The following TSGA13 variants were observed in gnomAD, a reference collection of about 807,000 sequenced individuals.
TSGA13 encodes the protein testis specific 13.
TSGA13 carries 37 observed loss-of-function variants against 35.1 expected under a neutral mutation model. The observed-to-expected ratio is 1.05, with a 90% CI of 0.81 to 1.39. The LOEUF (loss-of-function observed/expected upper bound fraction) is 1.39, where lower values mean the gene tolerates loss of function less well. Among genes scored for constraint, TSGA13 ranks in the 40% most tolerant of loss-of-function variants. The pLI is 0.00. For missense variants in TSGA13, 338 were observed against 328.5 expected, an observed-to-expected ratio of 1.03 and a Z score of -0.22; for synonymous variants, 124 against 121.2, an observed-to-expected ratio of 1.02 and a Z score of -0.15.
chr7:130,681,237 C>T (rs1280560912), intron 3 of TSGA13, among the ~76,000 whole-genome samples: 2 of 152,176 alleles, frequency 1.3e-5, no homozygotes, highest in Non-Finnish European at 2.9e-5. Flanking sequence ...GACCGTGACA[C>T]TTGTCAGCGG....
intron 1 of TSGA13, 90 bp from the exon 2 acceptor site, chr7:130,685,450 T>A (rs1554465610): frequency 1.6e-6 from 2 of 1,222,886 alleles, no homozygotes; most frequent in Non-Finnish European, 2.1e-6. Context: ...AGAAGTTAAA[T>A]TTATTTCACA....
chr7:130,679,052 G>A (rs1796475808), intron 5 of TSGA13, 103 bp downstream of exon 5: 1 of 977,388 alleles, frequency 1.0e-6, no homozygotes, highest in Non-Finnish European at 1.6e-6. Context: ...AAAATTAAGA[G>A]GTTTTCTGAG....
chr7:130,672,636 C>G (rs1310525382), intron 6 of TSGA13, 98 bp downstream of exon 6: 2 of 1,489,074 alleles, frequency 1.3e-6, no homozygotes, highest in Admixed American at 2.0e-5. Context: ...CTTTGTACGA[C>G]CAAAGAATAT....
intron 5 of TSGA13, among the ~76,000 whole-genome samples, chr7:130,673,546 CCTT>C (rs1367994207): frequency 6.6e-6 from 1 of 152,154 alleles, no homozygotes; most frequent in African/African-American, 2.4e-5. Context: ...CAAATCTAGT[CCTT>C]CTTCCATAGA....
Position 130,682,119 on chromosome 7 carries a change from T to C in TSGA13, c.103-1102A>G, listed in dbSNP as rs559539901. ...CATGCCCAGCTATTATTATTATTTA[T>C]TAATTTTTCTTTTTTTTTGCTACTG... On this transcript the variant is annotated intron_variant, in intron 3 of 7. Transcript: ENST00000356588. Among the ~76,000 whole-genome samples the C allele has an allele frequency of 3.3e-5, 5 of 151,686 alleles. 1 individual carries two copies. In the South Asian group the frequency reaches 8.4e-4, roughly 25 times the overall value.
intron 7 of TSGA13, among the ~76,000 whole-genome samples, chr7:130,670,866 A>G (rs10954276): frequency 0.19 from 29,617 of 151,970 alleles, 3,074 homozygotes; most frequent in Middle Eastern, 0.25. Context: ...GCCTCCAGCA[A>G]TCCTCCTGCC....
intron 4 of TSGA13, among the ~76,000 whole-genome samples, chr7:130,679,602 C>T (rs782730185): frequency 2.6e-5 from 4 of 152,088 alleles, no homozygotes; most frequent in Non-Finnish European, 1.5e-5. Flanking sequence ...CTAGACCTCC[C>T]GGGCTCAAGT....
chr7:130,679,251 C>T lies in TSGA13; in HGVS notation c.291G>A (p.Leu97=). 6.2e-7 allele frequency: 1 copy of T among 1,614,190 alleles called. No homozygotes were observed. The highest frequency in any genetic ancestry group is 8.5e-7 in the Non-Finnish European group (1 of 1,180,034). ...VTQYDQDKTL[L]IMTNNPPPCS... ...AGGGAGGTGGGTTGTTGGTCATAAT[C>T]AGTAACGTCTTATCCTGGTCATACT... Residue 97 remains leucine, a synonymous_variant, in exon 5 of 8, where the codon CTG becomes CTA. Coordinates refer to ENST00000356588, the MANE Select transcript of TSGA13 (RefSeq NM_052933.4).
intron 1 of TSGA13, among the ~76,000 whole-genome samples, chr7:130,685,642 T>C (rs1394676245): frequency 6.6e-6 from 1 of 152,182 alleles, no homozygotes; most frequent in Non-Finnish European, 1.5e-5. Context: ...GAGATTTAAC[T>C]ATAAAAAGAT....
chr7:130,672,971 C>A, intron 5 of TSGA13, 95 bp from the exon 6 acceptor site: 1 of 1,361,586 alleles, frequency 7.3e-7, no homozygotes, highest in South Asian at 1.7e-5. Flanking sequence ...TCCAATTCCC[C>A]TACAATCATG....
intron 4 of TSGA13, among the ~76,000 whole-genome samples, chr7:130,680,136 C>A (rs1796509961): frequency 6.6e-6 from 1 of 152,186 alleles, no homozygotes; most frequent in Admixed American, 6.5e-5. Context: ...TTACATCTTC[C>A]ACGTAATGTT....
At chr7:130,669,888 G>A (rs1158431813) in intron 7 of TSGA13, among the ~76,000 whole-genome samples, 2 of 152,136 alleles carry the variant, frequency 1.3e-5, no homozygotes, top group African/African-American at 4.8e-5. Context: ...TTTATTCTGG[G>A]GGTGAAAATA....
intron 7 of TSGA13, 115 bp from the exon 8 acceptor site, chr7:130,669,298 G>C (rs1178924940): frequency 9.6e-6 from 13 of 1,348,910 alleles, no homozygotes; most frequent in Admixed American, 6.3e-5. Flanking sequence ...GGTCTTTAGA[G>C]GGTAGATTTT....
chr7:130,680,454 C>G (rs1409002926), intron 4 of TSGA13, among the ~76,000 whole-genome samples: 1 of 149,880 alleles, frequency 6.7e-6, no homozygotes, highest in Non-Finnish European at 1.5e-5. Flanking sequence ...TGCAGTGAGC[C>G]GAGATCGCAC....
chr7:130,683,585 ACTCCTTAC>A lies in TSGA13; in HGVS notation c.102+1_102+8del. 6.2e-7 allele frequency: 1 copy of A among 1,610,844 alleles called. No individual in the cohort carries two copies. Among genetic ancestry groups the A allele is most frequent in the East Asian group, 2.2e-5 (1 of 44,752 alleles). ...AATTAAACATTGAACACTTACTAAC[ACTCCTTAC>A]CTCTTTGCTATTGACAACCATTCCT... On this transcript the variant is annotated splice_donor_variant and splice_donor_5th_base_variant and intron_variant, in intron 3 of 7. Coordinates refer to ENST00000356588, the MANE Select transcript of TSGA13 (RefSeq NM_052933.4). LOFTEE classifies it high-confidence loss of function.
chr7:130,669,450 T>C lies in TSGA13; in HGVS notation c.659-267A>G, dbSNP rs558134071. Among the ~76,000 whole-genome samples the C allele has an allele frequency of 4.9e-4, 74 of 152,370 alleles. 1 individual carries two copies. Among genetic ancestry groups the C allele is most frequent in the African/African-American group, 1.7e-3 (69 of 41,590 alleles). ...TTCAATGATTCCATCTGAAACCATA[T>C]TGACACTTAAGAAACTCACTAAATT... On this transcript the variant is annotated intron_variant, in intron 7 of 7. Coordinates refer to ENST00000356588, the MANE Select transcript of TSGA13 (RefSeq NM_052933.4).
chr7:130,678,361 A>G (rs1434157765), intron 5 of TSGA13, among the ~76,000 whole-genome samples: 1 of 150,314 alleles, frequency 6.7e-6, no homozygotes, highest in Non-Finnish European at 1.5e-5. Flanking sequence ...CCTGAGCGAT[A>G]GAACGAGACT....
chr7:130,679,487 C>A, intron 4 of TSGA13, 120 bp from the exon 5 acceptor site: 1 of 871,188 alleles, frequency 1.1e-6, no homozygotes, highest in African/African-American at 1.7e-5. Flanking sequence ...AGACTTGCTG[C>A]AAAATCTGTA....
At chr7:130,678,743 C>G (rs1459028797) in intron 5 of TSGA13, among the ~76,000 whole-genome samples, 1 of 152,122 alleles carries the variant, frequency 6.6e-6, no homozygotes, top group Non-Finnish European at 1.5e-5. Context: ...AGAGATAGAC[C>G]AAGTGCAGTG....
Sources: allele counts gnomAD v4.1 joint callset (sites outside exome capture counted in the v4.1 genomes callset), GRCh38; gene constraint gnomAD v4.1.1; transcripts MANE v1.5; gene names NCBI Gene and HGNC (gene_info 2026-07-23, HGNC 2026-07-21).